Variants in WDPCP observed in about 807,000 individuals in gnomAD.
The protein encoded by WDPCP is WD repeat containing planar cell polarity effector.
WDPCP carries 71 observed loss-of-function variants against 93.1 expected under a neutral mutation model. The ratio of observed to expected loss-of-function variants is 0.76; its 90% CI spans 0.63 to 0.93. WDPCP has a LOEUF of 0.93. WDPCP is among the 40% of genes least tolerant of loss of function. WDPCP has a pLI of 0.00. For missense variants in WDPCP, 844 were observed against 887.4 expected (o/e 0.95, Z 0.62); for synonymous variants, 315 against 315.0 (o/e 1.00, Z 0.00).
At chr2:63,722,336 C>G (rs1413186585) in intron 2 of WDPCP, among the ~76,000 whole-genome samples, 1 of 150,842 alleles carries the variant, frequency 6.6e-6, no homozygotes, top group Non-Finnish European at 1.5e-5. Context: ...GCGTCTCTGC[C>G]CGGCCGCCCA....
At chr2:63,710,690 T>C (rs1669249099) in intron 2 of WDPCP, among the ~76,000 whole-genome samples, 1 of 152,250 alleles carries the variant, frequency 6.6e-6, no homozygotes, top group African/African-American at 2.4e-5. Context: ...TAGACCATTT[T>C]GCGATTGTAT....
At chr2:63,269,732 T>G (rs1682465856) in intron 13 of WDPCP, among the ~76,000 whole-genome samples, 1 of 152,184 alleles carries the variant, frequency 6.6e-6, no homozygotes, top group Non-Finnish European at 1.5e-5. Context: ...TGCAACAGCT[T>G]ATACATATTT....
intron 3 of WDPCP, among the ~76,000 whole-genome samples, chr2:63,639,851 G>C (rs536737126): frequency 1.3e-5 from 2 of 152,208 alleles, no homozygotes; most frequent in Non-Finnish European, 2.9e-5. Context: ...ACACATTGCT[G>C]GTAGGAAAGT....
intron 6 of WDPCP, among the ~76,000 whole-genome samples, chr2:63,462,143 A>G (rs1699057728): frequency 6.6e-6 from 1 of 152,228 alleles, no homozygotes; most frequent in Non-Finnish European, 1.5e-5. Context: ...AATGTGGCAC[A>G]TATACATCAT....
chr2:63,807,397 C>T (rs1323551105), intron 2 of WDPCP, among the ~76,000 whole-genome samples: 1 of 152,158 alleles, frequency 6.6e-6, no homozygotes, highest in East Asian at 1.9e-4. Context: ...CTCTATTGCT[C>T]CCACTCTTGC....
At chr2:63,239,679 G>T (rs948339846) in intron 14 of WDPCP, among the ~76,000 whole-genome samples, 3 of 152,052 alleles carry the variant, frequency 2.0e-5, no homozygotes, top group Non-Finnish European at 2.9e-5. Flanking sequence ...TATGAGTTTT[G>T]TTAGCTAATA....
intron 10 of WDPCP, among the ~76,000 whole-genome samples, chr2:63,390,057 C>G (rs146880822): frequency 0.015 from 2,355 of 152,288 alleles, 63 homozygotes; most frequent in African/African-American, 0.054. Context: ...TAATAGACAT[C>G]TACAGAATTC....
intron 3 of WDPCP, chr2:63,607,122 T>C (rs1190964771): frequency 1.2e-6 from 1 of 802,210 alleles, no homozygotes; most frequent in African/African-American, 1.8e-5. Flanking sequence ...ACGTGCTTCT[T>C]GGTACAGGTT....
chr2:63,628,183 T>A (rs1298528586), intron 3 of WDPCP, among the ~76,000 whole-genome samples: 1 of 152,196 alleles, frequency 6.6e-6, no homozygotes, highest in East Asian at 1.9e-4. Flanking sequence ...GTTTCAGTAA[T>A]GTTATATATA....
chr2:63,588,957 C>T (rs1035077152), upstream of WDPCP: 1 of 1,595,696 alleles, frequency 6.3e-7, no homozygotes, highest in Non-Finnish European at 8.6e-7. Flanking sequence ...ACCGCTCGCC[C>T]TCTCCGAGTC....
At chr2:63,646,100 C>T (rs192126010) in intron 3 of WDPCP, among the ~76,000 whole-genome samples, 52 of 152,116 alleles carry the variant, frequency 3.4e-4, no homozygotes, top group African/African-American at 1.2e-3. Context: ...CCTGTCTTCC[C>T]TTTAGTGAAG....
At chr2:63,697,038 T>A (rs1367501774) in intron 2 of WDPCP, among the ~76,000 whole-genome samples, 1 of 152,242 alleles carries the variant, frequency 6.6e-6, no homozygotes, top group Non-Finnish European at 1.5e-5. Flanking sequence ...GAATGGGACT[T>A]TGACTAAATA....
At chr2:63,254,721 T>TATGTAGATCCAGCC (rs1183800415) in intron 14 of WDPCP, among the ~76,000 whole-genome samples, 1 of 152,100 alleles carries the variant, frequency 6.6e-6, no homozygotes, top group Non-Finnish European at 1.5e-5. Flanking sequence ...ACATATGCCA[T>TATGTAGATCCAGCC]ATATAAAGAG....
At chr2:63,565,280 A>C (rs1706954946) in intron 1 of WDPCP, among the ~76,000 whole-genome samples, 1 of 152,206 alleles carries the variant, frequency 6.6e-6, no homozygotes, top group African/African-American at 2.4e-5. Context: ...TTTTTATAAA[A>C]CTTATGAATT....
intron 6 of WDPCP, chr2:63,442,601 A>T (rs1697575570): frequency 2.0e-5 from 3 of 152,120 alleles, no homozygotes. Flanking sequence ...TCAATGTTAG[A>T]TGTGTGACAC....
intron 6 of WDPCP, among the ~76,000 whole-genome samples, chr2:63,460,514 AGTT>A (rs1405972143): frequency 6.6e-6 from 1 of 152,220 alleles, no homozygotes; most frequent in Non-Finnish European, 1.5e-5. Context: ...TACCCACTCA[AGTT>A]AACAGACATC....
At chr2:63,419,405 G>A (rs1219546040) in intron 9 of WDPCP, among the ~76,000 whole-genome samples, 3 of 152,162 alleles carry the variant, frequency 2.0e-5, no homozygotes, top group Admixed American at 2.0e-4. Flanking sequence ...CTCCCAAAGT[G>A]CTGGGATTAC....
chr2:63,807,355 T>G (rs1433021465), intron 2 of WDPCP, among the ~76,000 whole-genome samples: 2 of 152,148 alleles, frequency 1.3e-5, no homozygotes, highest in Non-Finnish European at 2.9e-5. Context: ...GAGATCTGGT[T>G]TTTTAAAAGA....
At position 63,787,498 on chromosome 2, in the gene WDPCP, T is replaced by A. The variant is rs148104022; in HGVS notation, n.308+26124A>T. ...CCAAAGTAATTTTGACTTAAAAAAA[T>A]TTAAGGGCCTCATTAATTAAGGGCA... On this transcript the variant is annotated intron_variant and non_coding_transcript_variant, in intron 2 of 4. Transcript: ENST00000467687. Among the ~76,000 whole-genome samples, 244 of 152,258 alleles carry A rather than the reference T, an allele frequency of 1.6e-3. 1 individual carries two copies. Among genetic ancestry groups the A allele is most frequent in the African/African-American group, 5.3e-3 (219 of 41,560 alleles).
Sources: allele counts gnomAD v4.1 joint callset (sites outside exome capture counted in the v4.1 genomes callset), GRCh38; gene constraint gnomAD v4.1.1; transcripts MANE v1.5; gene names NCBI Gene and HGNC (gene_info 2026-07-23, HGNC 2026-07-21).